Variants in NALF1 observed in about 807,000 individuals in gnomAD.
NALF1 encodes the protein family with sequence similarity 155 member A.
NALF1 carries 3 observed loss-of-function variants against 48.4 expected under a neutral mutation model. The ratio of observed to expected loss-of-function variants is 0.06; its 90% confidence interval spans 0.03 to 0.16. The LOEUF is 0.16. NALF1 is among the 10% of genes least tolerant of loss of function. The pLI is 1.00. For synonymous variants in NALF1, 262 were observed against 245.7 expected, an observed-to-expected ratio of 1.07 and a Z score of -0.62; for missense variants, 526 against 571.5, an observed-to-expected ratio of 0.92 and a Z score of 0.81.
chr13:107,335,724 A>T (rs1882543513), intron 1 of NALF1, among the ~76,000 whole-genome samples: 1 of 152,200 alleles, frequency 6.6e-6, no homozygotes, highest in Non-Finnish European at 1.5e-5. Context: ...CACTACAGGC[A>T]GCTGGAAAAG....
chr13:107,816,817 T>C (rs535831453), intron 1 of NALF1, among the ~76,000 whole-genome samples: 1 of 152,308 alleles, frequency 6.6e-6, no homozygotes, highest in African/African-American at 2.4e-5. Flanking sequence ...TGTGTCCACC[T>C]GATTCGTAGA....
At chr13:107,384,153 T>C (rs1883486575) in intron 1 of NALF1, among the ~76,000 whole-genome samples, 13 of 152,122 alleles carry the variant, frequency 8.5e-5, no homozygotes, top group Admixed American at 7.9e-4. Flanking sequence ...CATGGGAGGC[T>C]GATGTGGAAG....
At chr13:107,778,618 T>C (rs1279721627) in intron 1 of NALF1, among the ~76,000 whole-genome samples, 2 of 149,060 alleles carry the variant, frequency 1.3e-5, no homozygotes, top group East Asian at 4.0e-4. Flanking sequence ...TGTTTGTTTT[T>C]GTATTTGTTT....
At chr13:107,290,174 C>CAAAAAAAAAAAA (rs35974424) in intron 1 of NALF1, among the ~76,000 whole-genome samples, 1 of 65,874 alleles carries the variant, frequency 1.5e-5, no homozygotes. Flanking sequence ...CACAAACCAG[C>CAAAAAAAAAAAA]AAAAAAAAAA....
chr13:107,598,228 T>C (rs1302237053), intron 1 of NALF1, among the ~76,000 whole-genome samples: 1 of 152,182 alleles, frequency 6.6e-6, no homozygotes, highest in African/African-American at 2.4e-5. Flanking sequence ...TCTATTTAAC[T>C]TCACATTTTG....
intron 2 of NALF1, among the ~76,000 whole-genome samples, chr13:107,198,876 C>G (rs1879449329): frequency 6.6e-6 from 1 of 152,162 alleles, no homozygotes; most frequent in Non-Finnish European, 1.5e-5. Context: ...TGTCTATATC[C>G]AAATTTCCCC....
intron 1 of NALF1, among the ~76,000 whole-genome samples, chr13:107,461,067 T>C (rs1884910652): frequency 6.6e-6 from 1 of 152,062 alleles, no homozygotes; most frequent in Non-Finnish European, 1.5e-5. Context: ...ACTGTCCTTC[T>C]AAAAGACCAA....
At chr13:107,377,735 T>A (rs1594144380) in intron 1 of NALF1, among the ~76,000 whole-genome samples, 1 of 152,194 alleles carries the variant, frequency 6.6e-6, no homozygotes, top group South Asian at 2.1e-4. Context: ...TGTCCCTGGG[T>A]CCTGCCCTGA....
chr13:107,454,468 G>A (rs372507619), intron 1 of NALF1, among the ~76,000 whole-genome samples: 26 of 152,044 alleles, frequency 1.7e-4, no homozygotes, highest in Non-Finnish European at 2.8e-4. Context: ...ATCAGATCTC[G>A]TTTGAACTCA....
chr13:107,459,105 A>C (rs907762567), intron 1 of NALF1, among the ~76,000 whole-genome samples: 4 of 152,150 alleles, frequency 2.6e-5, no homozygotes, highest in African/African-American at 9.7e-5. Context: ...AAGACCATTA[A>C]AAGAATAAGA....
chr13:107,525,397 C>T (rs1431335313), intron 1 of NALF1, among the ~76,000 whole-genome samples: 1 of 152,092 alleles, frequency 6.6e-6, no homozygotes. Context: ...ACTTCTTTCA[C>T]TCAGGATATG....
At chr13:107,483,657 CT>C (rs1255531888) in intron 1 of NALF1, among the ~76,000 whole-genome samples, 1 of 152,042 alleles carries the variant, frequency 6.6e-6, no homozygotes, top group Non-Finnish European at 1.5e-5. Flanking sequence ...CTTTGAACCA[CT>C]GACTCTTATT....
At chr13:107,744,193 GT>G (rs1876715142) in intron 1 of NALF1, among the ~76,000 whole-genome samples, 1 of 152,200 alleles carries the variant, frequency 6.6e-6, no homozygotes, top group Admixed American at 6.5e-5. Flanking sequence ...TTAATCCAGT[GT>G]GAGATCTTGC....
At chr13:107,480,403 T>G (rs576349629) in intron 1 of NALF1, among the ~76,000 whole-genome samples, 2 of 152,334 alleles carry the variant, frequency 1.3e-5, no homozygotes, top group South Asian at 4.1e-4. Flanking sequence ...CTAGCATATC[T>G]GCCTTGGAAT....
At chr13:107,303,610 A>C (rs543194340) in intron 1 of NALF1, among the ~76,000 whole-genome samples, 1 of 152,308 alleles carries the variant, frequency 6.6e-6, no homozygotes, top group African/African-American at 2.4e-5. Context: ...CCCTGTTTTC[A>C]TTATTACAAA....
intron 1 of NALF1, among the ~76,000 whole-genome samples, chr13:107,860,856 G>C (rs1334568481): frequency 1.3e-5 from 2 of 152,188 alleles, no homozygotes; most frequent in African/African-American, 4.8e-5. Flanking sequence ...AGGAGAATGA[G>C]AGCATTGCTT....
chr13:107,225,108 A>C (rs578032415), intron 1 of NALF1, among the ~76,000 whole-genome samples: 1 of 152,092 alleles, frequency 6.6e-6, no homozygotes, highest in Non-Finnish European at 1.5e-5. Flanking sequence ...TCCAGGGCTC[A>C]AGTGATTCTC....
chr13:107,861,023 A>G lies in NALF1; in HGVS notation c.915+4659T>C, dbSNP rs562251786. On this transcript the variant is annotated intron_variant, in intron 1 of 2. Transcript: ENST00000375915. ...GACCCAGTTACAAGTTCAAACTAAA[A>G]ATATGTATTCCATGGTCTGTGAGAA... Among the ~76,000 whole-genome samples the G allele has an allele frequency of 2.3e-4, 35 of 152,342 alleles. No individual in the cohort carries two copies. In the Middle Eastern group the frequency reaches 0.014, roughly 59 times the overall value.
chr13:107,262,006 T>A (rs941700991), intron 1 of NALF1, among the ~76,000 whole-genome samples: 20 of 152,200 alleles, frequency 1.3e-4, no homozygotes, highest in African/African-American at 4.6e-4. Context: ...TTAATTAATT[T>A]ATTTGCTATT....
Sources: allele counts gnomAD v4.1 joint callset (sites outside exome capture counted in the v4.1 genomes callset), GRCh38; gene constraint gnomAD v4.1.1; transcripts MANE v1.5; gene names NCBI Gene and HGNC (gene_info 2026-07-23, HGNC 2026-07-21).